ROS1: variants seen among roughly 807,000 people sequenced by gnomAD.
The protein encoded by ROS1 is ROS proto-oncogene 1, receptor tyrosine kinase.
Under a neutral mutation model 273.5 loss-of-function variants are expected in ROS1, and 263 were observed. The observed-to-expected ratio is 0.96, with a 90% CI of 0.87 to 1.06. The LOEUF is 1.06. ROS1 is among the 50% of genes least tolerant of loss of function. The pLI, the probability that ROS1 is intolerant of heterozygous loss-of-function variation, is 0.00. For synonymous variants in ROS1, 1,008 were observed against 954.1 expected, an observed-to-expected ratio of 1.06 and a Z score of -1.04; for missense variants, 2,833 against 2,751.1, an observed-to-expected ratio of 1.03 and a Z score of -0.67.
At chr6:117,397,559 G>T (rs1380109398) in intron 7 of ROS1, among the ~76,000 whole-genome samples, 2 of 152,162 alleles carry the variant, frequency 1.3e-5, no homozygotes, top group African/African-American at 4.8e-5. Flanking sequence ...CAGCCTTGCT[G>T]GTTCCAGCTG....
At chr6:117,381,876 G>A (rs537765597) in intron 17 of ROS1, among the ~76,000 whole-genome samples, 14 of 152,172 alleles carry the variant, frequency 9.2e-5, no homozygotes, top group East Asian at 3.9e-4. Flanking sequence ...GTGTATAAGC[G>A]TTTGGAGGGG....
At chr6:117,309,157 C>A (rs969864390) in intron 41 of ROS1, among the ~76,000 whole-genome samples, 1 of 152,174 alleles carries the variant, frequency 6.6e-6, no homozygotes, top group Non-Finnish European at 1.5e-5. Flanking sequence ...TTGGAGGAGG[C>A]ACACATGTGC....
At chr6:117,307,735 A>C (rs1457309236) in intron 42 of ROS1, among the ~76,000 whole-genome samples, 1 of 152,150 alleles carries the variant, frequency 6.6e-6, no homozygotes, top group Non-Finnish European at 1.5e-5. Flanking sequence ...TAATACAAAA[A>C]CATTCACCAG....
At position 117,310,081 on chromosome 6, in the gene ROS1, C is replaced by T. The variant is rs755564042; in HGVS notation, c.6416G>A (p.Trp2139Ter). The change falls in exon 41 of 44, where the codon TGG becomes TAG. Residue 2139 changes from tryptophan (W) to a stop codon, truncating the protein, a stop_gained and splice_region_variant. Coordinates refer to ENST00000368507, the MANE Select transcript of ROS1 (RefSeq NM_001378902.1). LOFTEE classifies it high-confidence loss of function. ...TTACTCTGTGTCCCGTTAAACTTAC[C>T]ATACATCAGATTGAGTAGTGAAGAT... The part of the protein sequence containing the change: ...DGIFTTQSDV[W>*]SFGILIWEIL... The T allele has an allele frequency of 9.9e-6, 16 of 1,611,888 alleles. No individual in the cohort carries two copies. The Admixed American group carries it at 2.7e-4, about 27-fold the overall frequency.
chr6:117,390,132 C>A (rs565179515), intron 12 of ROS1, among the ~76,000 whole-genome samples: 1 of 152,168 alleles, frequency 6.6e-6, no homozygotes, highest in East Asian at 1.9e-4. Context: ...CAGGAAGGGT[C>A]TTTTATTTTT....
intron 17 of ROS1, among the ~76,000 whole-genome samples, chr6:117,381,007 A>G (rs1356517376): frequency 1.3e-5 from 2 of 152,084 alleles, no homozygotes; most frequent in African/African-American, 4.8e-5. Context: ...TGTACATGAC[A>G]TCAATGAACA....
chr6:117,399,402 G>C (rs958907300), intron 7 of ROS1, among the ~76,000 whole-genome samples: 1 of 152,216 alleles, frequency 6.6e-6, no homozygotes, highest in African/African-American at 2.4e-5. Flanking sequence ...CGCTAAGCAA[G>C]AATAGTCAGA....
intron 1 of ROS1, among the ~76,000 whole-genome samples, chr6:117,419,612 G>A (rs1775600961): frequency 1.3e-5 from 2 of 152,118 alleles, no homozygotes; most frequent in African/African-American, 2.4e-5. Flanking sequence ...TCATGATTTT[G>A]TTCAAAAGTT....
At chr6:117,372,533 C>G (rs188347992) in intron 18 of ROS1, among the ~76,000 whole-genome samples, 1 of 152,110 alleles carries the variant, frequency 6.6e-6, no homozygotes. Flanking sequence ...GGTGGTGTGT[C>G]CAGAGTTTGT....
chr6:117,386,502 T>A (rs1179202021), intron 15 of ROS1, among the ~76,000 whole-genome samples: 1 of 152,250 alleles, frequency 6.6e-6, no homozygotes, highest in Non-Finnish European at 1.5e-5. Context: ...TCCTTATACC[T>A]TATTTAGAAC....
chr6:117,366,440 T>C, intron 18 of ROS1, 150 bp from the exon 19 acceptor site: 2 of 629,418 alleles, frequency 3.2e-6, no homozygotes, highest in Non-Finnish European at 5.5e-6. Context: ...ATTATTGTCT[T>C]TTTTTGTTTC....
chr6:117,384,299 T>A (rs1021159776), intron 16 of ROS1, among the ~76,000 whole-genome samples: 1 of 152,220 alleles, frequency 6.6e-6, no homozygotes, highest in Admixed American at 6.5e-5. Flanking sequence ...TTTATATATG[T>A]ATTTTATCTC....
chr6:117,373,686 G>A (rs1174572953), intron 18 of ROS1, among the ~76,000 whole-genome samples: 1 of 152,198 alleles, frequency 6.6e-6, no homozygotes, highest in Non-Finnish European at 1.5e-5. Context: ...CTCCGCACAA[G>A]CAGAGGGAGC....
At position 117,393,325 on chromosome 6, in the gene ROS1, A is replaced by C; in HGVS notation, c.1192-4T>G. 1.3e-6 allele frequency: 2 copies of C among 1,523,554 alleles called. No homozygotes were observed. The highest frequency in any genetic ancestry group is 1.8e-6 in the Non-Finnish European group (2 of 1,099,382). 94.4% of individuals were successfully genotyped at this position (1,523,554 alleles called of 1,614,324 possible). On this transcript the variant is annotated splice_polypyrimidine_tract_variant and splice_region_variant and intron_variant, in intron 11 of 43. Transcript: ENST00000368507. Reference sequence around the variant, plus strand: ...TCTCTAAATCACAGACACATACCTAAAAAAATAAAAAATATACCGGTAGGA... The same window carrying C: ...TCTCTAAATCACAGACACATACCTACAAAAATAAAAAATATACCGGTAGGA...
intron 16 of ROS1, among the ~76,000 whole-genome samples, chr6:117,385,432 G>A (rs1772486937): frequency 6.6e-6 from 1 of 151,940 alleles, no homozygotes; most frequent in African/African-American, 2.4e-5. Context: ...GCATATGCCT[G>A]TAATTCCAGC....
At chr6:117,387,641 T>C (rs1582816413) in intron 14 of ROS1, 139 bp downstream of exon 14, 4 of 752,398 alleles carry the variant, frequency 5.3e-6, no homozygotes, top group Non-Finnish European at 8.7e-6. Flanking sequence ...ACTCAATATG[T>C]GTTTACTCAA....
intron 7 of ROS1, among the ~76,000 whole-genome samples, chr6:117,400,775 CT>C (rs1323143289): frequency 6.6e-6 from 1 of 152,156 alleles, no homozygotes; most frequent in Non-Finnish European, 1.5e-5. Context: ...TGACCTTCTC[CT>C]TTTTTCAACC....
At chr6:117,413,734 C>A (rs556076116) in intron 4 of ROS1, among the ~76,000 whole-genome samples, 29 of 152,306 alleles carry the variant, frequency 1.9e-4, no homozygotes, top group African/African-American at 7.0e-4. Context: ...GTAATCCCAG[C>A]ACTTCGGGAG....
Position 117,389,373 on chromosome 6 carries a change from G to A in ROS1, c.1763C>T (p.Pro588Leu), listed in dbSNP as rs2128703587. ...GSHQALVQWK[P>L]PALAIGASPS... ...ACTGGCTCCTATGGCAAGGGCAGGA[G>A]GCTTCCATTGAACAAGAGCCTGGTG... is the stretch of plus-strand genomic sequence containing the variant. The change falls in exon 13 of 44, where the codon CCT (proline) becomes CTT (leucine). Residue 588 changes from proline to leucine, a missense_variant. Pro to Leu is a moderately conservative substitution (Grantham distance 98). Coordinates refer to ENST00000368507, the MANE Select transcript of ROS1 (RefSeq NM_001378902.1). The A allele has an allele frequency of 6.2e-7, 1 of 1,613,984 alleles. No homozygotes were observed. Among genetic ancestry groups the A allele is most frequent in the Non-Finnish European group, 8.5e-7 (1 of 1,179,940 alleles).
Sources: gnomAD v4.1 joint callset for allele counts (sites outside exome capture counted in the v4.1 genomes callset) on GRCh38, gnomAD v4.1.1 for gene constraint, MANE v1.5 for transcripts, NCBI Gene and HGNC (gene_info 2026-07-23, HGNC 2026-07-21) for gene names.